Variants in HES6 observed in about 807,000 individuals in gnomAD.
HES6 encodes the protein hes family bHLH transcription factor 6.
A neutral mutation model predicts 16.4 loss-of-function variants in HES6; 24 were observed. The ratio of observed to expected loss-of-function variants is 1.46; its 90% CI spans 1.06 to 2.06. The LOEUF (loss-of-function observed/expected upper bound fraction) is 2.06. HES6 is among the 30% of genes most tolerant of loss of function. The pLI, the probability that HES6 is intolerant of heterozygous loss-of-function variation, is 0.00. For synonymous variants in HES6, 159 were observed against 144.3 expected, an observed-to-expected ratio of 1.10 and a Z score of -0.73; for missense variants, 355 against 317.6, an observed-to-expected ratio of 1.12 and a Z score of -0.90.
chr2:238,239,925 C>T lies in HES6; in HGVS notation c.-20G>A. On this transcript the variant is annotated 5_prime_UTR_variant, in exon 1 of 4. Transcript: ENST00000272937. ...CGCCATGCCCGCTCCGCCGGGGACG[C>T]GGCAGGGGCTAGGAGCAGCGGGGAC... The T allele has an allele frequency of 8.3e-7, 1 of 1,198,258 alleles. No homozygotes were observed. Among genetic ancestry groups the T allele is most frequent in the Non-Finnish European group, 1.0e-6 (1 of 965,080 alleles). 74.2% of individuals were successfully genotyped at this position (1,198,258 alleles called of 1,614,324 possible). A position where few individuals can be genotyped will look rare whatever the true frequency, so the allele number is the denominator to read the frequency against.
chr2:238,239,772 C>A (rs1574831762), intron 1 of HES6, 25 bp from the exon 2 acceptor site: 23 of 1,400,206 alleles, frequency 1.6e-5, no homozygotes, highest in Non-Finnish European at 2.1e-5. Flanking sequence ...GCACTGAATC[C>A]CAGCCCCGCA....
At position 238,238,599 on chromosome 2, in the gene HES6, C is replaced by A. The variant is rs1354054805; in HGVS notation, c.*228G>T. On this transcript the variant is annotated 3_prime_UTR_variant, in exon 4 of 4. Coordinates refer to ENST00000272937, the MANE Select transcript of HES6 (RefSeq NM_018645.6). ...TCTTCCTCCTGCCCGTAGCTCCCTC[C>A]CTCCACCCACTCCAGAGCTGCAGGG... The A allele has an allele frequency of 1.4e-5, 8 of 559,390 alleles. No individual in the cohort carries two copies. Among genetic ancestry groups the A allele is most frequent in the African/African-American group, 3.8e-5 (2 of 51,988 alleles). 34.7% of individuals were successfully genotyped at this position (559,390 alleles called of 1,614,324 possible). A position where few individuals can be genotyped will look rare whatever the true frequency, so the allele number is the denominator to read the frequency against.
chr2:238,238,974 A>AC lies in HES6; in HGVS notation c.527dup (p.Pro177SerfsTer14), dbSNP rs1559315309. On this transcript the variant is annotated frameshift_variant, in exon 4 of 4. Transcript: ENST00000272937. LOFTEE classifies it high-confidence loss of function. ...GGTCGGAGCACAGGTCGTCCCCAGG[A>AC]CCCGGGGGGCTGGGTATTGGGGATC... The AC allele has an allele frequency of 6.2e-7, 1 of 1,603,578 alleles. No individual in the cohort carries two copies. Among genetic ancestry groups the AC allele is most frequent in the South Asian group, 1.1e-5 (1 of 90,112 alleles).
chr2:238,239,303 A>T, intron 3 of HES6, 52 bp from the exon 4 acceptor site: 1 of 1,558,220 alleles, frequency 6.4e-7, no homozygotes, highest in Non-Finnish European at 8.6e-7. Context: ...GTGAGCGGCG[A>T]CTGCGTGGCC....
In HES6 at chr2:238,238,800, C is replaced by T; in HGVS notation, c.*27G>A. On this transcript the variant is annotated 3_prime_UTR_variant, in exon 4 of 4. Coordinates refer to ENST00000272937, the MANE Select transcript of HES6 (RefSeq NM_018645.6). ...GGAGATCCAGGGAGGGCCGGGCCCA[C>T]CCCCGCAGGACTCTGGCTGGCATTG... The T allele has an allele frequency of 6.5e-7, 1 of 1,538,580 alleles. No homozygotes were observed. The highest frequency in any genetic ancestry group is 8.7e-7 in the Non-Finnish European group (1 of 1,148,040).
rs533883260 is a variant in HES6 at position 238,239,213 on chromosome 2, C to T, written c.289G>A (p.Ala97Thr). 41 of 1,610,496 alleles carry T rather than the reference C, an allele frequency of 2.5e-5. No individual in the cohort carries two copies. The South Asian group carries it at 4.2e-4, about 16-fold the overall frequency. ...QLQAEASERFAAGYIQCMHEV... is the reference protein window; with the variant it reads ...QLQAEASERFTAGYIQCMHEV... ...TGCATGCACTGGATGTAGCCGGCAGCGAAGCGCTCGCTCGCTTCCGCCTGC... is the reference window on the plus strand; with the variant it reads ...TGCATGCACTGGATGTAGCCGGCAGTGAAGCGCTCGCTCGCTTCCGCCTGC... Residue 97 changes from alanine (A) to threonine (T), a missense_variant, in exon 4 of 4, where the codon GCT becomes ACT. Ala to Thr is a moderately conservative substitution (Grantham distance 58). Coordinates refer to ENST00000272937, the MANE Select transcript of HES6 (RefSeq NM_018645.6).
Position 238,239,232 on chromosome 2 carries a change from C to T in HES6, c.270G>A (p.Ala90=), listed in dbSNP as rs1695241690. 8.7e-6 allele frequency: 14 copies of T among 1,607,866 alleles called. No individual in the cohort carries two copies. Among genetic ancestry groups the T allele is most frequent in the Non-Finnish European group, 1.1e-5 (13 of 1,179,036 alleles). Reference sequence around the variant, plus strand: ...CGGCAGCGAAGCGCTCGCTCGCTTCCGCCTGCAGCTGCTCGCGCTCTGGGC... The same window carrying T: ...CGGCAGCGAAGCGCTCGCTCGCTTCTGCCTGCAGCTGCTCGCGCTCTGGGC... ...GRAREREQLQ[A]EASERFAAGY... is the part of the protein sequence containing the mutation. Residue 90 remains alanine, a synonymous_variant, in exon 4 of 4, where the codon GCG becomes GCA. Coordinates refer to ENST00000272937, the MANE Select transcript of HES6 (RefSeq NM_018645.6).
intron 2 of HES6, 35 bp from the exon 3 acceptor site, chr2:238,239,603 C>G: frequency 1.1e-5 from 13 of 1,172,388 alleles, no homozygotes; most frequent in Non-Finnish European, 1.4e-5. Flanking sequence ...GCCGGCAGCG[C>G]GCTCCCGGAC....
chr2:238,239,611 G>GGGCCCCCCCCCCCCCCCCCCCCCCCC, intron 2 of HES6, 43 bp from the exon 3 acceptor site: 1 of 1,135,674 alleles, frequency 8.8e-7, no homozygotes, highest in Non-Finnish European at 1.1e-6. Flanking sequence ...CGCGCTCCCG[G>GGGCCCCCCCCCCCCCCCCCCCCCCCC]ACCCGCCCGC....
intron 3 of HES6, 54 bp downstream of exon 3, chr2:238,239,433 C>T (rs1235794206): frequency 3.2e-6 from 4 of 1,252,126 alleles, no homozygotes; most frequent in African/African-American, 3.2e-5. Flanking sequence ...CTCCGTCTGG[C>T]AGGGGTTACA....
chr2:238,239,549 T>C lies in HES6; in HGVS notation c.188A>G (p.Asn63Ser). 1 of 1,306,796 alleles carries C rather than the reference T, an allele frequency of 7.7e-7. No homozygotes were observed. Among genetic ancestry groups the C allele is most frequent in the Non-Finnish European group, 9.8e-7 (1 of 1,024,652 alleles). 81.0% of individuals were successfully genotyped at this position (1,306,796 alleles called of 1,614,324 possible). A position where few individuals can be genotyped will look rare whatever the true frequency, so the allele number is the denominator to read the frequency against. ...CACCGTCAGCTCCAGCACTTCGGCGTTCTCCAGCTTGGCCTGCACCTGCGC... is the reference window on the plus strand; with the variant it reads ...CACCGTCAGCTCCAGCACTTCGGCGCTCTCCAGCTTGGCCTGCACCTGCGC... ...AGAEVQAKLENAEVLELTVRR... is the reference protein window; with the variant it reads ...AGAEVQAKLESAEVLELTVRR... The change falls in exon 3 of 4, where the codon AAC (asparagine) becomes AGC (serine). Residue 63 changes from asparagine to serine, a missense_variant. Physicochemically the swap from Asn to Ser is conservative, Grantham distance 46. Coordinates refer to ENST00000272937, the MANE Select transcript of HES6 (RefSeq NM_018645.6).
chr2:238,239,180 GCAC>G lies in HES6; in HGVS notation c.319_321del (p.Val107del), dbSNP rs1559315612. ...GCCTGGCACGTGGACACGAACGTGT[GCAC>G]CTCGTGCATGCACTGGATGTAGCCG... On this transcript the variant is annotated inframe_deletion, in exon 4 of 4. Transcript: ENST00000272937. 1 of 1,612,296 alleles carries G rather than the reference GCAC, an allele frequency of 6.2e-7. No homozygotes were observed. The highest frequency in any genetic ancestry group is 8.5e-7 in the Non-Finnish European group (1 of 1,179,824).
intron 2 of HES6, 43 bp from the exon 3 acceptor site, chr2:238,239,611 G>GGGGGGCCCCC: frequency 5.3e-6 from 6 of 1,135,562 alleles, no homozygotes; most frequent in African/African-American, 1.6e-5. Context: ...CGCGCTCCCG[G>GGGGGGCCCCC]ACCCGCCCGC....
Position 238,238,875 on chromosome 2 carries a change from GC to G in HES6, c.626del (p.Gly209AlafsTer3). The G allele has an allele frequency of 6.3e-7, 1 of 1,578,278 alleles. No homozygotes were observed. Among genetic ancestry groups the G allele is most frequent in the Non-Finnish European group, 8.6e-7 (1 of 1,165,762 alleles). ...GGGCAATTTGGGCTGTGGTCAGGCT[GC>G]CCAGGGCTGCGGGCACCAAGTCGGG... is the stretch of plus-strand genomic sequence containing the variant. Reference protein sequence around the residue: ...EGPDLVPAALGSLTTAQIARS... With the variant: ...EGPDLVPAALXSLTTAQIARS... On this transcript the variant is annotated frameshift_variant, in exon 4 of 4. Transcript: ENST00000272937. LOFTEE classifies it high-confidence loss of function.
Position 238,238,852 on chromosome 2 carries a change from G to A in HES6, c.650C>T (p.Ala217Val), listed in dbSNP as rs780359363. The A allele has an allele frequency of 5.1e-6, 8 of 1,572,138 alleles. No homozygotes were observed. In the African/African-American group the frequency reaches 8.1e-5, roughly 16 times the overall value. Residue 217 changes from alanine (A) to valine (V), a missense_variant, in exon 4 of 4, where the codon GCC (alanine) becomes GTC (valine). Ala to Val is a moderately conservative substitution (Grantham distance 64). Coordinates refer to ENST00000272937, the MANE Select transcript of HES6 (RefSeq NM_018645.6). The stretch of plus-strand genomic sequence containing the variant: ...TCACCAAGGCCTCCAGACACTCCGG[G>A]CAATTTGGGCTGTGGTCAGGCTGCC... ...ALGSLTTAQI[A>V]RSVWRPW
Position 238,239,216 on chromosome 2 carries a change from A to AGCGC in HES6, c.282_285dup (p.Phe96AlafsTer43), listed in dbSNP as rs1695240767. The stretch of plus-strand genomic sequence containing the variant: ...ATGCACTGGATGTAGCCGGCAGCGA[A>AGCGC]GCGCTCGCTCGCTTCCGCCTGCAGC... On this transcript the variant is annotated frameshift_variant, in exon 4 of 4. Transcript: ENST00000272937. LOFTEE classifies it high-confidence loss of function. 6.2e-7 allele frequency: 1 copy of AGCGC among 1,610,142 alleles called. No individual in the cohort carries two copies. The highest frequency in any genetic ancestry group is 8.5e-7 in the Non-Finnish European group (1 of 1,179,346).
chr2:238,239,599 A>C lies in HES6; in HGVS notation c.169-31T>G, dbSNP rs946852678. 3 of 1,185,092 alleles carry C rather than the reference A, an allele frequency of 2.5e-6. No individual in the cohort carries two copies. In the South Asian group the frequency reaches 1.1e-4, roughly 42 times the overall value. The allele number at this position is 1,185,092 out of a possible 1,614,324, so 73.4% of individuals were successfully genotyped here. A position where few individuals can be genotyped will look rare whatever the true frequency, so the allele number is the denominator to read the frequency against. On this transcript the variant is annotated intron_variant, in intron 2 of 3. Coordinates refer to ENST00000272937, the MANE Select transcript of HES6 (RefSeq NM_018645.6). ...CGGGCGGGAAGGGCGGTGAGCCGGC[A>C]GCGCGCTCCCGGACCCGCCCGCCCG...
chr2:238,239,709 C>CCGCG lies in HES6; in HGVS notation c.116_119dup (p.Ile41AlafsTer98). ...GCAGCTCCTGCAGGCTCTCGTTGAT[C>CCGCG]CGCGCGCGCCGCTTCTTCTCCACCA... On this transcript the variant is annotated frameshift_variant, in exon 2 of 4. Coordinates refer to ENST00000272937, the MANE Select transcript of HES6 (RefSeq NM_018645.6). LOFTEE classifies it high-confidence loss of function. The CCGCG allele has an allele frequency of 7.6e-7, 1 of 1,316,192 alleles. No individual in the cohort carries two copies. The highest frequency in any genetic ancestry group is 9.8e-7 in the Non-Finnish European group (1 of 1,024,108). 81.5% of individuals were successfully genotyped at this position (1,316,192 alleles called of 1,614,324 possible).
rs1257587138 is a variant in HES6 at position 238,239,758 on chromosome 2, C to A, written c.82-11G>T. ...CAGGGGCTTCCGGGCCTGCGGGGAG[C>A]GGGGCACTGAATCCCAGCCCCGCAC... On this transcript the variant is annotated splice_polypyrimidine_tract_variant and intron_variant, in intron 1 of 3. Transcript: ENST00000272937. The A allele has an allele frequency of 4.3e-6, 6 of 1,395,906 alleles. No individual in the cohort carries two copies. Among genetic ancestry groups the A allele is most frequent in the Non-Finnish European group, 5.6e-6 (6 of 1,067,816 alleles). The allele number at this position is 1,395,906 out of a possible 1,614,324, so 86.5% of individuals were successfully genotyped here.
Sources: allele counts gnomAD v4.1 joint callset, GRCh38; gene constraint gnomAD v4.1.1; transcripts MANE v1.5; gene names NCBI Gene and HGNC (gene_info 2026-07-23, HGNC 2026-07-21).